The following SCLY variants were observed in gnomAD, a reference collection of about 807,000 sequenced individuals.
SCLY encodes the protein selenocysteine lyase.
A neutral mutation model predicts 50.1 loss-of-function variants in SCLY; 38 were observed. The observed-to-expected ratio is 0.76, with a 90% CI of 0.59 to 0.99. The LOEUF is 0.99. SCLY is among the 50% of genes least tolerant of loss of function. The pLI, the probability that SCLY is intolerant of heterozygous loss-of-function variation, is 0.00. For synonymous variants in SCLY, 243 were observed against 249.4 expected (o/e 0.97, Z 0.24); for missense variants, 600 against 620.0 (o/e 0.97, Z 0.34).
chr2:238,066,478 T>C lies in SCLY; in HGVS notation c.203-1587T>C, dbSNP rs1412039894. Among the ~76,000 whole-genome samples, 2 of 152,150 alleles carry C rather than the reference T, an allele frequency of 1.3e-5. No homozygotes were observed. The highest frequency in any genetic ancestry group is 4.8e-5 in the African/African-American group (2 of 41,430). On this transcript the variant is annotated intron_variant, in intron 2 of 11. Coordinates refer to ENST00000254663, the MANE Select transcript of SCLY (RefSeq NM_016510.7). The surrounding 1 kb of genome is among the most constrained non-coding windows in gnomAD (Gnocchi z 4.1). Reference sequence around the variant, plus strand: ...CTGTTGGGGGAGGGATGAAGCACGGTGCCCAAAATGTATTTGGGTTTTCGA... The same window carrying C: ...CTGTTGGGGGAGGGATGAAGCACGGCGCCCAAAATGTATTTGGGTTTTCGA...
chr2:238,064,145 T>C (rs781725037), intron 1 of SCLY, among the ~76,000 whole-genome samples: 3 of 152,114 alleles, frequency 2.0e-5, no homozygotes, highest in African/African-American at 4.8e-5. Flanking sequence ...TGACAAAAAC[T>C]AGAGTCTTAG....
At chr2:238,085,860 G>A (rs1426448039) in intron 7 of SCLY, among the ~76,000 whole-genome samples, 1 of 152,138 alleles carries the variant, frequency 6.6e-6, no homozygotes, top group Non-Finnish European at 1.5e-5. Flanking sequence ...AGAAATAATG[G>A]CTAAAAAATT....
intron 8 of SCLY, 182 bp from the exon 9 acceptor site, chr2:238,093,679 T>G: frequency 1.6e-6 from 1 of 629,398 alleles, no homozygotes; most frequent in Admixed American, 2.6e-5. Context: ...AGGTACCTGG[T>G]GAAGTCAGTT....
intron 7 of SCLY, among the ~76,000 whole-genome samples, chr2:238,086,194 A>G (rs2065296168): frequency 6.6e-6 from 1 of 152,222 alleles, no homozygotes; most frequent in Non-Finnish European, 1.5e-5. Context: ...TAATCAAAAC[A>G]TTCTCAGATG....
chr2:238,072,802 T>A (rs10929264), intron 4 of SCLY, among the ~76,000 whole-genome samples: 13,784 of 152,248 alleles, frequency 0.091, 835 homozygotes, highest in African/African-American at 0.18. Flanking sequence ...ATAGATGATT[T>A]GTAAATATTT....
chr2:238,086,189 A>C (rs867866737), intron 7 of SCLY, among the ~76,000 whole-genome samples: 60 of 152,342 alleles, frequency 3.9e-4, no homozygotes, highest in African/African-American at 1.4e-3. Flanking sequence ...AGAAGTAATC[A>C]AAACATTCTC....
At chr2:238,064,566 A>C (rs1327775763) in intron 2 of SCLY, 97 bp downstream of exon 2, 1 of 683,824 alleles carries the variant, frequency 1.5e-6, no homozygotes, top group Non-Finnish European at 2.3e-6. Flanking sequence ...CTTTGTTTTG[A>C]ATAGGTTTCT....
At chr2:238,086,887 C>T (rs374591688) in intron 7 of SCLY, among the ~76,000 whole-genome samples, 6 of 151,614 alleles carry the variant, frequency 4.0e-5, no homozygotes, top group African/African-American at 2.4e-5. Context: ...GGTGTGGTGG[C>T]GCATGCCTAT....
Position 238,061,116 on chromosome 2 carries a change from G to A in SCLY, c.62G>A (p.Gly21Asp). 1.4e-6 allele frequency: 2 copies of A among 1,450,242 alleles called. No homozygotes were observed. Among genetic ancestry groups the A allele is most frequent in the Non-Finnish European group, 9.0e-7 (1 of 1,108,472 alleles). The allele number at this position is 1,450,242 out of a possible 1,614,324, so 89.8% of individuals were successfully genotyped here. A position where few individuals can be genotyped will look rare whatever the true frequency, so the allele number is the denominator to read the frequency against. The change falls in exon 1 of 12, where the codon GGC becomes GAC. Residue 21 changes from glycine to aspartate, a missense_variant. Gly to Asp is a moderately conservative substitution (Grantham distance 94). Transcript: ENST00000254663. ...GCACCCGCGGCGAGTCAGCCCAGCGGCTGCGGGAAACACAACTCGCCGGAG... is the reference window on the plus strand; with the variant it reads ...GCACCCGCGGCGAGTCAGCCCAGCGACTGCGGGAAACACAACTCGCCGGAG... ...APAPAASQPS[G>D]CGKHNSPERK...
At chr2:238,095,053 A>T (rs1206549449) in intron 10 of SCLY, among the ~76,000 whole-genome samples, 1 of 152,138 alleles carries the variant, frequency 6.6e-6, no homozygotes, top group Non-Finnish European at 1.5e-5. Context: ...ACTACAAAAA[A>T]TTAGCCAGGC....
intron 4 of SCLY, chr2:238,080,074 C>T (rs1394266337): frequency 6.6e-6 from 1 of 152,212 alleles, no homozygotes. Context: ...TGGAGCCCCT[C>T]CAGTGAATTC....
At chr2:238,093,211 G>GTA in intron 8 of SCLY, 1 of 154,042 alleles carries the variant, frequency 6.5e-6, no homozygotes, top group Admixed American at 6.4e-5. Flanking sequence ...CCAAGGGTCT[G>GTA]GATGCCTGCC....
intron 7 of SCLY, among the ~76,000 whole-genome samples, chr2:238,087,765 G>A (rs933583206): frequency 1.4e-4 from 21 of 152,120 alleles, no homozygotes; most frequent in Non-Finnish European, 2.4e-4. Context: ...TTAACAAAAT[G>A]TTTACAAATA....
intron 4 of SCLY, 138 bp from the exon 5 acceptor site, chr2:238,081,571 T>A: frequency 3.2e-6 from 4 of 1,239,440 alleles, no homozygotes; most frequent in Non-Finnish European, 4.5e-6. Context: ...GGGCGGCTTA[T>A]ATTCTTCTTT....
rs767479442 is a variant in SCLY, at chr2:238,094,429, G to A, written c.1015G>A (p.Gly339Ser). The change falls in exon 10 of 12, where the codon GGT (glycine) becomes AGT (serine). Residue 339 changes from glycine to serine, a missense_variant. Transcript: ENST00000254663. ...CACTTATTTTTTTCAGGCTGAATTC[G>A]GTCAGAAGAGAATCCATCTGAATAG... ...YLEERLEAEF[G>S]QKRIHLNSQF... 19 of 1,613,170 alleles carry A rather than the reference G, an allele frequency of 1.2e-5. No individual in the cohort carries two copies. The Admixed American group carries it at 1.7e-4, about 14-fold the overall frequency.
chr2:238,098,629 ACATGGGAC>A lies in SCLY; in HGVS notation c.*276_*283del, dbSNP rs1559254736. On this transcript the variant is annotated 3_prime_UTR_variant, in exon 12 of 12. Coordinates refer to ENST00000254663, the MANE Select transcript of SCLY (RefSeq NM_016510.7). ...TAGGACCGCCCACATGGGACCGCCC[ACATGGGAC>A]CGCCCACATGGGACCGCCCACATAG... 849 of 361,518 alleles carry A rather than the reference ACATGGGAC, an allele frequency of 2.3e-3. 35 individuals carry two copies. The highest frequency in any genetic ancestry group is 0.017 in the African/African-American group (775 of 46,742). The allele number at this position is 361,518 out of a possible 1,614,324, so 22.4% of individuals were successfully genotyped here. A position where few individuals can be genotyped will look rare whatever the true frequency, so the allele number is the denominator to read the frequency against.
intron 1 of SCLY, among the ~76,000 whole-genome samples, chr2:238,063,056 G>A (rs1451562535): frequency 6.6e-6 from 1 of 152,118 alleles, no homozygotes; most frequent in Non-Finnish European, 1.5e-5. Flanking sequence ...CAACATTGGT[G>A]ACAGGGCAGT....
rs547318083 is a variant in SCLY, at chr2:238,087,053, G to C, written c.884+3699G>C. Among the ~76,000 whole-genome samples the C allele has an allele frequency of 2.6e-5, 4 of 152,108 alleles. No individual in the cohort carries two copies. In the South Asian group the frequency reaches 8.3e-4, roughly 32 times the overall value. ...AAAAAAGACAACATTAGCTGGGCGTGGTGGCTCACATTTCTAATCCTAGCA... is the reference window on the plus strand; with the variant it reads ...AAAAAAGACAACATTAGCTGGGCGTCGTGGCTCACATTTCTAATCCTAGCA... On this transcript the variant is annotated intron_variant, in intron 7 of 11. Coordinates refer to ENST00000254663, the MANE Select transcript of SCLY (RefSeq NM_016510.7).
intron 7 of SCLY, among the ~76,000 whole-genome samples, chr2:238,089,335 A>G (rs2065335934): frequency 1.3e-5 from 2 of 152,156 alleles, no homozygotes; most frequent in African/African-American, 2.4e-5. Flanking sequence ...AAGCCTAACA[A>G]TTTCTATCAA....
Sources: gnomAD v4.1 joint callset for allele counts (sites outside exome capture counted in the v4.1 genomes callset) on GRCh38, gnomAD v4.1.1 for gene constraint, Gnocchi (gnomAD v3.1) non-coding constraint, MANE v1.5 for transcripts, NCBI Gene and HGNC (gene_info 2026-07-23, HGNC 2026-07-21) for gene names.